The following CRYM variants were observed in gnomAD, a reference collection of about 807,000 sequenced individuals.
The protein encoded by CRYM is crystallin mu.
A neutral mutation model predicts 32.9 loss-of-function variants in CRYM; 18 were observed. The ratio of observed to expected loss-of-function variants is 0.55; its 90% confidence interval spans 0.38 to 0.81. The LOEUF (loss-of-function observed/expected upper bound fraction) is 0.81. Ranked by LOEUF, CRYM falls within the 30% of genes least tolerant of loss-of-function variation. The probability of loss-of-function intolerance (pLI) is 0.00; values close to 1 mark genes in which losing one functional copy is unlikely to be tolerated. For synonymous variants in CRYM, 153 were observed against 152.4 expected, an observed-to-expected ratio of 1.00 and a Z score of -0.03; for missense variants, 337 against 393.5, an observed-to-expected ratio of 0.86 and a Z score of 1.21.
In CRYM at chr16:21,275,524, C is replaced by A. The variant is rs1200935353; in HGVS notation, c.387+8G>T. 4 of 1,612,788 alleles carry A rather than the reference C, an allele frequency of 2.5e-6. No homozygotes were observed. The highest frequency in any genetic ancestry group is 3.4e-6 in the Non-Finnish European group (4 of 1,178,926). ...CACCTTAATGGTACAGCCAGCCATT[C>A]ATCTTACCTTGGTGGCAATGGCAGA... On this transcript the variant is annotated splice_region_variant and intron_variant, in intron 3 of 7. Transcript: ENST00000572914.
intron 1 of CRYM, among the ~76,000 whole-genome samples, chr16:21,290,366 C>T (rs1960608081): frequency 1.3e-5 from 2 of 151,976 alleles, no homozygotes; most frequent in African/African-American, 4.8e-5. Flanking sequence ...ACACTCACTA[C>T]AAAGGTCTGC....
chr16:21,270,544 A>T (rs1483709821), intron 3 of CRYM, among the ~76,000 whole-genome samples: 1 of 152,176 alleles, frequency 6.6e-6, no homozygotes, highest in African/African-American at 2.4e-5. Flanking sequence ...TCGGCCTCCC[A>T]AAGTACTGGG....
chr16:21,276,947 TTA>T (rs10585062), intron 2 of CRYM, among the ~76,000 whole-genome samples: 40,745 of 152,004 alleles, frequency 0.27, 5,885 homozygotes, highest in African/African-American at 0.36. Context: ...GCCTGATGCA[TTA>T]TAAAAAGTAC....
At chr16:21,275,453 T>TCCTTTAGTCTCTCAAG (rs2093384339) in intron 3 of CRYM, 79 bp downstream of exon 3, 1 of 1,292,242 alleles carries the variant, frequency 7.7e-7, no homozygotes, top group African/African-American at 1.5e-5. Context: ...TCCCCACTTC[T>TCCTTTAGTCTCTCAAG]CCTTTAGTCT....
At chr16:21,298,198 G>A (rs1960827522) in intron 1 of CRYM, among the ~76,000 whole-genome samples, 1 of 152,042 alleles carries the variant, frequency 6.6e-6, no homozygotes, top group Non-Finnish European at 1.5e-5. Flanking sequence ...AGAGTGAAAG[G>A]GATATTCACC....
rs2093389401 is a variant in CRYM, at chr16:21,277,563, G to A, written c.192C>T (p.Ala64=). The part of the protein sequence containing the change: ...KHRGYLGVMP[A]YSAAEDALTT... ...TCAGTGCATCCTCTGCAGCACTGTA[G>A]GCGGGCATGACCCCCAGGTAGCTAC... The change falls in exon 2 of 8, where the codon GCC becomes GCT. Residue 64 remains alanine (A), a synonymous_variant. Transcript: ENST00000572914. This position sits in a 1 kb window ranked among gnomAD's most constrained non-coding sequence, Gnocchi z 4.2. The A allele has an allele frequency of 2.5e-6, 4 of 1,613,970 alleles. No homozygotes were observed. Among genetic ancestry groups the A allele is most frequent in the African/African-American group, 1.3e-5 (1 of 75,034 alleles).
chr16:21,295,394 G>A (rs1960767896), intron 1 of CRYM, among the ~76,000 whole-genome samples: 1 of 152,016 alleles, frequency 6.6e-6, no homozygotes, highest in Non-Finnish European at 1.5e-5. Context: ...ATCTCATTAT[G>A]GTTTTGATTT....
chr16:21,267,841 G>T, intron 4 of CRYM, 104 bp from the exon 5 acceptor site: 1 of 1,090,668 alleles, frequency 9.2e-7, no homozygotes, highest in Non-Finnish European at 1.4e-6. Flanking sequence ...CTGGCATAGG[G>T]GTCAGTGGTT....
chr16:21,262,254 A>C, intron 5 of CRYM, 96 bp from the exon 6 acceptor site: 1 of 1,499,436 alleles, frequency 6.7e-7, no homozygotes, highest in African/African-American at 1.4e-5. Flanking sequence ...AGGACTCGTG[A>C]ACACACTCAG....
At chr16:21,299,174 C>A (rs1025861294) in intron 1 of CRYM, among the ~76,000 whole-genome samples, 3 of 152,120 alleles carry the variant, frequency 2.0e-5, no homozygotes, top group Non-Finnish European at 4.4e-5. Flanking sequence ...TGTGATTATT[C>A]CTGTTGTCCT....
chr16:21,278,416 C>G (rs774755530), upstream of CRYM: 13 of 779,444 alleles, frequency 1.7e-5, no homozygotes, highest in Middle Eastern at 3.5e-4. Flanking sequence ...CTCTCCTCCC[C>G]CTTCGCCCAC....
Position 21,265,275 on chromosome 16 carries a change from G to A in CRYM, c.673+2279C>T, listed in dbSNP as rs374948926. On this transcript the variant is annotated intron_variant, in intron 5 of 7. Coordinates refer to ENST00000572914, the MANE Select transcript of CRYM (RefSeq NM_001376256.1). ...TTACTTTGATCCATTCCTCAAACACGCCATGTTCGCTTCCACACTCAAGGC... is the reference window on the plus strand; with the variant it reads ...TTACTTTGATCCATTCCTCAAACACACCATGTTCGCTTCCACACTCAAGGC... Among the ~76,000 whole-genome samples the A allele has an allele frequency of 5.3e-5, 8 of 152,156 alleles. No homozygotes were observed. In the South Asian group the frequency reaches 6.2e-4, roughly 12 times the overall value.
At chr16:21,299,396 C>T (rs1368962895) in intron 1 of CRYM, among the ~76,000 whole-genome samples, 1 of 152,038 alleles carries the variant, frequency 6.6e-6, no homozygotes, top group Non-Finnish European at 1.5e-5. Context: ...GCAACCTCTG[C>T]TTCTTGGGTT....
upstream of CRYM, among the ~76,000 whole-genome samples, chr16:21,280,009 G>A (rs924060000): frequency 6.6e-6 from 1 of 152,044 alleles, no homozygotes; most frequent in African/African-American, 2.4e-5. Flanking sequence ...AGAGCCGCTG[G>A]GCTTATAGAA....
chr16:21,269,945 A>G lies in CRYM; in HGVS notation c.388-54T>C, dbSNP rs1184597124. 5.6e-6 allele frequency: 7 copies of G among 1,258,090 alleles called. No individual in the cohort carries two copies. The African/African-American group carries it at 8.8e-5, about 16-fold the overall frequency. 77.9% of individuals were successfully genotyped at this position (1,258,090 alleles called of 1,614,324 possible). On this transcript the variant is annotated intron_variant, in intron 3 of 7. Transcript: ENST00000572914. ...TCAAGGGAGACCCTAGCAGACGGGT[A>G]AAAAACTAAGATGGTTTGAGTATCA...
At position 21,261,247 on chromosome 16, in the gene CRYM, A is replaced by G; in HGVS notation, c.880+7T>C. On this transcript the variant is annotated splice_region_variant and intron_variant, in intron 7 of 7. Transcript: ENST00000572914. Reference sequence around the variant, plus strand: ...TGGATTTGTGCCCAGGGAGCAATGGATCTTACCCAAAGACTTGAACACGGT... The same window carrying G: ...TGGATTTGTGCCCAGGGAGCAATGGGTCTTACCCAAAGACTTGAACACGGT... 1 of 1,611,592 alleles carries G rather than the reference A, an allele frequency of 6.2e-7. No homozygotes were observed. The highest frequency in any genetic ancestry group is 8.5e-7 in the Non-Finnish European group (1 of 1,177,910).
intron 5 of CRYM, among the ~76,000 whole-genome samples, 176 bp downstream of exon 5, chr16:21,267,378 A>C (rs1437958740): frequency 6.6e-6 from 1 of 152,166 alleles, no homozygotes; most frequent in Non-Finnish European, 1.5e-5. Context: ...GATTACAGGC[A>C]TGAGCCACTG....
In CRYM at chr16:21,267,500, C is replaced by G. The variant is rs80180097; in HGVS notation, c.673+54G>C. 1.7e-3 allele frequency: 2,632 copies of G among 1,587,234 alleles called. 35 individuals are homozygous for G. In the African/African-American group the frequency reaches 0.032, roughly 19 times the overall value. On this transcript the variant is annotated intron_variant, in intron 5 of 7. Transcript: ENST00000572914. ...TGCAAATGTAGTCGACTGGTCCCGTCTAGAGAGGAGCCTGGCCACCACCCA... is the reference window on the plus strand; with the variant it reads ...TGCAAATGTAGTCGACTGGTCCCGTGTAGAGAGGAGCCTGGCCACCACCCA...
intron 4 of CRYM, chr16:21,268,712 A>G (rs1567233002): frequency 6.6e-6 from 1 of 152,246 alleles, no homozygotes; most frequent in Non-Finnish European, 1.5e-5. Context: ...AACATTCAGT[A>G]AGAGAGGATA....
Sources: allele counts gnomAD v4.1 joint callset (sites outside exome capture counted in the v4.1 genomes callset), GRCh38; gene constraint gnomAD v4.1.1; non-coding constraint Gnocchi (gnomAD v3.1); transcripts MANE v1.5; gene names NCBI Gene and HGNC (gene_info 2026-07-23, HGNC 2026-07-21).